EIPR1: variants seen among roughly 807,000 people sequenced by gnomAD.
EIPR1 encodes EARP and GARP complex-interacting protein 1.
In EIPR1, 25 loss-of-function variants were observed where a neutral mutation model predicts 48.1. The ratio of observed to expected loss-of-function variants is 0.52; its 90% CI spans 0.38 to 0.73. The LOEUF (loss-of-function observed/expected upper bound fraction) is 0.73. Ranked by LOEUF, EIPR1 falls within the 30% of genes least tolerant of loss-of-function variation. The pLI is 0.00. For missense variants in EIPR1, 415 were observed against 506.2 expected (o/e 0.82, Z 1.73); for synonymous variants, 204 against 201.9 (o/e 1.01, Z -0.09).
At chr2:3,374,376 A>G (rs1171910622) in intron 1 of EIPR1, among the ~76,000 whole-genome samples, 1 of 151,822 alleles carries the variant, frequency 6.6e-6, no homozygotes, top group Non-Finnish European at 1.5e-5. Flanking sequence ...AAAATTGACA[A>G]ATGGGATCTC....
intron 3 of EIPR1, among the ~76,000 whole-genome samples, chr2:3,321,329 C>T (rs372315411): frequency 6.6e-6 from 1 of 152,134 alleles, no homozygotes; most frequent in African/African-American, 2.4e-5. Context: ...AAACTTTAAC[C>T]GGAGACACAC....
At chr2:3,317,445 AG>A (rs1197860425) in intron 3 of EIPR1, among the ~76,000 whole-genome samples, 3 of 152,000 alleles carry the variant, frequency 2.0e-5, no homozygotes, top group Non-Finnish European at 4.4e-5. Flanking sequence ...GGAGCGCATG[AG>A]GCACTGACCG....
At chr2:3,231,620 T>G (rs1190821137) in intron 4 of EIPR1, among the ~76,000 whole-genome samples, 1 of 152,244 alleles carries the variant, frequency 6.6e-6, no homozygotes, top group African/African-American at 2.4e-5. Context: ...TCTATTTTGT[T>G]AATGTGGTGT....
intron 3 of EIPR1, among the ~76,000 whole-genome samples, chr2:3,318,621 A>G (rs1669391740): frequency 6.6e-6 from 1 of 152,164 alleles, no homozygotes; most frequent in African/African-American, 2.4e-5. Context: ...CAACTAAACA[A>G]AAAACACAGG....
At chr2:3,304,951 A>C (rs113186152) in intron 3 of EIPR1, among the ~76,000 whole-genome samples, 4,321 of 50,226 alleles carry the variant, frequency 0.086, 133 homozygotes, top group Non-Finnish European at 0.11. Flanking sequence ...CAGCCCTCCA[A>C]TCCCGTCCAG....
chr2:3,285,333 A>AC (rs1668149040), intron 3 of EIPR1, among the ~76,000 whole-genome samples: 1 of 38,600 alleles, frequency 2.6e-5, no homozygotes, highest in African/African-American at 9.4e-5. Context: ...CCCCACCCCC[A>AC]CCCCCACCCC....
At chr2:3,313,676 T>C (rs1669196599) in intron 3 of EIPR1, among the ~76,000 whole-genome samples, 1 of 152,134 alleles carries the variant, frequency 6.6e-6, no homozygotes, top group Non-Finnish European at 1.5e-5. Context: ...GTCAGGAGCA[T>C]AGTAAGGAGC....
At chr2:3,348,272 G>C (rs1036263613) in intron 2 of EIPR1, among the ~76,000 whole-genome samples, 1 of 152,112 alleles carries the variant, frequency 6.6e-6, no homozygotes, top group Non-Finnish European at 1.5e-5. Context: ...CCTGGTCACC[G>C]GGGCAATGCT....
At chr2:3,337,909 G>T in intron 3 of EIPR1, 108 bp downstream of exon 3, 2 of 1,242,854 alleles carry the variant, frequency 1.6e-6, no homozygotes, top group South Asian at 1.6e-5. Context: ...TTCATTAATG[G>T]CTAAATCTTT....
chr2:3,230,365 G>A (rs1666204394), intron 4 of EIPR1, among the ~76,000 whole-genome samples: 1 of 152,160 alleles, frequency 6.6e-6, no homozygotes, highest in Non-Finnish European at 1.5e-5. Context: ...GGGGAAATCT[G>A]TGCGTGTGCA....
chr2:3,310,652 CAAAAAAAA>C (rs751422009), intron 3 of EIPR1, among the ~76,000 whole-genome samples: 18 of 55,300 alleles, frequency 3.3e-4, no homozygotes. Flanking sequence ...GACTCCGTCT[CAAAAAAAA>C]AAAAAAAAAA....
At chr2:3,241,592 C>T (rs1666629974) in intron 4 of EIPR1, among the ~76,000 whole-genome samples, 1 of 152,170 alleles carries the variant, frequency 6.6e-6, no homozygotes, top group Non-Finnish European at 1.5e-5. Flanking sequence ...AAATCACCCA[C>T]TTTTCTGCTT....
At chr2:3,311,820 T>C (rs1479384100) in intron 3 of EIPR1, among the ~76,000 whole-genome samples, 2 of 151,346 alleles carry the variant, frequency 1.3e-5, no homozygotes, top group African/African-American at 4.9e-5. Context: ...GGGGGGGCTC[T>C]ACTCTGGGGC....
At position 3,197,003 on chromosome 2, in the gene EIPR1, C is replaced by G. The variant is rs776819922; in HGVS notation, c.531G>C (p.Ala177=). The G allele has an allele frequency of 6.2e-7, 1 of 1,613,854 alleles. No individual in the cohort carries two copies. The highest frequency in any genetic ancestry group is 1.7e-5 in the Admixed American group (1 of 60,026). ...TCAGTTGTCCCTTCCCTTCCAGGGA[C>G]GCTGAGCTGGCCAGCTGGGAGTGTC... ...SSSQAVLASS[A]SLEGKGQLKF... is the part of the protein sequence containing the mutation. The change falls in exon 6 of 9, where the codon GCG becomes GCC. Residue 177 remains alanine, a synonymous_variant. Transcript: ENST00000382125.
intron 3 of EIPR1, among the ~76,000 whole-genome samples, chr2:3,321,405 C>T (rs1030626784): frequency 6.6e-6 from 1 of 152,184 alleles, no homozygotes; most frequent in African/African-American, 2.4e-5. Context: ...GCCCCCGCCG[C>T]CCCGTCTTTA....
intron 3 of EIPR1, among the ~76,000 whole-genome samples, chr2:3,268,150 T>G (rs765398708): frequency 9.2e-5 from 14 of 152,148 alleles, no homozygotes; most frequent in Non-Finnish European, 1.8e-4. Context: ...TGATAGCCTT[T>G]CCATGGGCCT....
At chr2:3,273,720 A>G (rs1447316492) in intron 3 of EIPR1, among the ~76,000 whole-genome samples, 1 of 152,196 alleles carries the variant, frequency 6.6e-6, no homozygotes, top group Non-Finnish European at 1.5e-5. Flanking sequence ...GACATTTTCC[A>G]TAAACAAATG....
intron 4 of EIPR1, among the ~76,000 whole-genome samples, chr2:3,233,208 G>T (rs1330717323): frequency 1.3e-5 from 2 of 150,554 alleles, no homozygotes. Flanking sequence ...TCTGCAACTT[G>T]CTTTTTTTTT....
intron 3 of EIPR1, among the ~76,000 whole-genome samples, chr2:3,291,606 A>C (rs946792565): frequency 1.3e-5 from 2 of 152,152 alleles, no homozygotes; most frequent in Non-Finnish European, 2.9e-5. Context: ...ATCTGCATCC[A>C]TTTGTCTTGA....
Sources: allele counts gnomAD v4.1 joint callset (sites outside exome capture counted in the v4.1 genomes callset), GRCh38; gene constraint gnomAD v4.1.1; transcripts MANE v1.5; gene names NCBI Gene and HGNC (gene_info 2026-07-23, HGNC 2026-07-21).